Variants in ATF6 observed in about 807,000 individuals in gnomAD.
The protein encoded by ATF6 is cyclic AMP-dependent transcription factor ATF-6 alpha.
Under a neutral mutation model 83.6 loss-of-function variants are expected in ATF6, and 53 were observed. The observed-to-expected ratio is 0.63, with a 90% confidence interval of 0.51 to 0.80. The LOEUF is 0.80. Ranked by LOEUF, ATF6 falls within the 30% of genes least tolerant of loss-of-function variation. The probability of loss-of-function intolerance (pLI) is 0.00; values close to 1 mark genes in which losing one functional copy is unlikely to be tolerated. For synonymous variants in ATF6, 288 were observed against 285.8 expected (o/e 1.01, Z -0.08); for missense variants, 744 against 797.9 (o/e 0.93, Z 0.81).
chr1:161,957,406 AT>A (rs1183101786), intron 15 of ATF6, among the ~76,000 whole-genome samples: 1 of 152,108 alleles, frequency 6.6e-6, no homozygotes, highest in Non-Finnish European at 1.5e-5. Context: ...GAATTCTCCC[AT>A]GTTCACACAT....
chr1:161,930,482 G>A (rs1292094295), intron 15 of ATF6, among the ~76,000 whole-genome samples: 4 of 152,178 alleles, frequency 2.6e-5, no homozygotes, highest in South Asian at 2.1e-4. Flanking sequence ...AGAACCTTAC[G>A]TTTCTTTCAA....
intron 14 of ATF6, among the ~76,000 whole-genome samples, chr1:161,906,733 T>A (rs1389071977): frequency 6.6e-6 from 1 of 152,204 alleles, no homozygotes; most frequent in African/African-American, 2.4e-5. Context: ...TAGTTTTGAT[T>A]TATTCTTCTG....
At chr1:161,770,104 T>C (rs1207548728) in intron 1 of ATF6, among the ~76,000 whole-genome samples, 1 of 152,198 alleles carries the variant, frequency 6.6e-6, no homozygotes, top group Admixed American at 6.5e-5. Context: ...TCTGGTCAGG[T>C]AACCACTGAT....
Position 161,766,450 on chromosome 1 carries a change from G to A in ATF6, c.82+8G>A. 1 of 1,612,200 alleles carries A rather than the reference G, an allele frequency of 6.2e-7. No homozygotes were observed. The highest frequency in any genetic ancestry group is 2.2e-5 in the East Asian group (1 of 44,814). Reference sequence around the variant, plus strand: ...GGCTGGATGAAGATTGGGGTGAGTGGGATCTGAGAATGTACCAGGGTGGCT... The same window carrying A: ...GGCTGGATGAAGATTGGGGTGAGTGAGATCTGAGAATGTACCAGGGTGGCT... On this transcript the variant is annotated splice_region_variant and intron_variant, in intron 1 of 15. Transcript: ENST00000367942.
At chr1:161,912,174 A>G (rs993826475) in intron 14 of ATF6, 122 bp from the exon 15 acceptor site, 14 of 560,250 alleles carry the variant, frequency 2.5e-5, no homozygotes, top group Middle Eastern at 2.7e-4. Context: ...GCCAACTTCA[A>G]ATAAAAACTA....
Position 161,876,735 on chromosome 1 carries a change from T to G in ATF6, c.1719+13423T>G, listed in dbSNP as rs528269233. On this transcript the variant is annotated intron_variant, in intron 14 of 15. Coordinates refer to ENST00000367942, the MANE Select transcript of ATF6 (RefSeq NM_007348.4). Reference sequence around the variant, plus strand: ...TATGGTCATTTTTTATTAACAATTTTGACCAGTTTCTTTGCTAGATTCCAC... The same window carrying G: ...TATGGTCATTTTTTATTAACAATTTGGACCAGTTTCTTTGCTAGATTCCAC... Among the ~76,000 whole-genome samples, 3 of 152,150 alleles carry G rather than the reference T, an allele frequency of 2.0e-5. No homozygotes were observed. The East Asian group carries it at 5.8e-4, about 29-fold the overall frequency.
At chr1:161,768,315 T>C (rs547751886) in intron 1 of ATF6, among the ~76,000 whole-genome samples, 2 of 152,372 alleles carry the variant, frequency 1.3e-5, no homozygotes, top group South Asian at 4.1e-4. Context: ...CCGACTCACT[T>C]CTATCGGGTA....
At chr1:161,898,893 A>G (rs1687729298) in intron 14 of ATF6, among the ~76,000 whole-genome samples, 1 of 152,158 alleles carries the variant, frequency 6.6e-6, no homozygotes, top group Non-Finnish European at 1.5e-5. Context: ...AAGTTTCTTG[A>G]GAATAGTGTA....
intron 15 of ATF6, among the ~76,000 whole-genome samples, chr1:161,928,098 T>C (rs1688354464): frequency 6.6e-6 from 1 of 152,208 alleles, no homozygotes; most frequent in African/African-American, 2.4e-5. Context: ...ATAAAGCCTA[T>C]GTGAGATAAA....
At chr1:161,879,994 T>A (rs1298187838) in intron 14 of ATF6, among the ~76,000 whole-genome samples, 1 of 152,150 alleles carries the variant, frequency 6.6e-6, no homozygotes, top group African/African-American at 2.4e-5. Context: ...TTATCTTGGG[T>A]ATCTGCCCTT....
intron 15 of ATF6, among the ~76,000 whole-genome samples, chr1:161,915,172 G>A (rs926029314): frequency 4.0e-5 from 6 of 151,024 alleles, no homozygotes; most frequent in Admixed American, 6.6e-5. Context: ...CACTACCACC[G>A]GCCCAGCTGC....
At chr1:161,808,547 T>A (rs1414442793) in intron 7 of ATF6, among the ~76,000 whole-genome samples, 2 of 152,268 alleles carry the variant, frequency 1.3e-5, no homozygotes, top group East Asian at 3.9e-4. Context: ...TAAAAACTTT[T>A]CTCATTCCTT....
Position 161,958,810 on chromosome 1 carries a change from T to C in ATF6, c.*156T>C. On this transcript the variant is annotated 3_prime_UTR_variant, in exon 16 of 16. Coordinates refer to ENST00000367942, the MANE Select transcript of ATF6 (RefSeq NM_007348.4). The stretch of plus-strand genomic sequence containing the variant: ...GAAGAAATAAAAGAAGCTGCTCCAT[T>C]TTTCATCATCTACCCATCTATTTGG... 1.3e-5 allele frequency: 8 copies of C among 611,544 alleles called. No individual in the cohort carries two copies. The South Asian group carries it at 1.8e-4, about 14-fold the overall frequency. The allele number at this position is 611,544 out of a possible 1,614,324, so 37.9% of individuals were successfully genotyped here.
intron 9 of ATF6, among the ~76,000 whole-genome samples, chr1:161,824,168 G>A (rs1471714793): frequency 6.6e-6 from 1 of 151,988 alleles, no homozygotes; most frequent in Non-Finnish European, 1.5e-5. Flanking sequence ...GATCAAAAAT[G>A]TTATTGTTAG....
At chr1:161,886,841 C>T (rs984401451) in intron 14 of ATF6, among the ~76,000 whole-genome samples, 10 of 152,186 alleles carry the variant, frequency 6.6e-5, no homozygotes, top group Admixed American at 1.3e-4. Flanking sequence ...ATGGACTTAA[C>T]CACAGTCCTG....
chr1:161,895,362 G>C (rs1407247182), intron 14 of ATF6, among the ~76,000 whole-genome samples: 1 of 152,204 alleles, frequency 6.6e-6, no homozygotes, highest in African/African-American at 2.4e-5. Flanking sequence ...TACTATTTGT[G>C]TGTGTTTTAC....
chr1:161,780,369 A>T (rs1267366147), intron 2 of ATF6, among the ~76,000 whole-genome samples: 2 of 150,728 alleles, frequency 1.3e-5, no homozygotes, highest in African/African-American at 2.4e-5. Context: ...GTATTTTTTT[A>T]TTTTTATTTT....
chr1:161,879,310 G>A (rs1031783196), intron 14 of ATF6, among the ~76,000 whole-genome samples: 4 of 152,104 alleles, frequency 2.6e-5, no homozygotes, highest in Non-Finnish European at 4.4e-5. Flanking sequence ...GGGATAGTGA[G>A]CCTACTAGAG....
At chr1:161,958,399 G>T (rs567688040) in intron 15 of ATF6, 47 bp from the exon 16 acceptor site, 1 of 1,524,780 alleles carries the variant, frequency 6.6e-7, no homozygotes, top group Non-Finnish European at 8.9e-7. Context: ...TGGCAGAGAT[G>T]CACATTCTGT....
Sources: allele counts gnomAD v4.1 joint callset (sites outside exome capture counted in the v4.1 genomes callset), GRCh38; gene constraint gnomAD v4.1.1; transcripts MANE v1.5; gene names NCBI Gene and HGNC (gene_info 2026-07-23, HGNC 2026-07-21).